The following PALLD variants were observed in gnomAD, a reference collection of about 807,000 sequenced individuals.
PALLD encodes the protein palladin, cytoskeletal associated protein.
PALLD carries 61 observed loss-of-function variants against 123.5 expected under a neutral mutation model. The observed-to-expected ratio is 0.49, with a 90% confidence interval of 0.40 to 0.61. The LOEUF (loss-of-function observed/expected upper bound fraction) is 0.61. Ranked by LOEUF, PALLD falls within the 20% of genes least tolerant of loss-of-function variation. PALLD has a pLI of 0.00. For missense variants in PALLD, 1,273 were observed against 1,377.0 expected (o/e 0.92, Z 1.20); for synonymous variants, 465 against 496.4 (o/e 0.94, Z 0.84).
intron 2 of PALLD, among the ~76,000 whole-genome samples, chr4:168,519,202 A>G (rs780093415): frequency 1.4e-4 from 21 of 152,236 alleles, no homozygotes; most frequent in Non-Finnish European, 2.8e-4. Context: ...TTTGAGATGA[A>G]GCACGTGATT....
chr4:168,759,955 G>A (rs1290645720), intron 10 of PALLD, among the ~76,000 whole-genome samples: 1 of 151,880 alleles, frequency 6.6e-6, no homozygotes, highest in Non-Finnish European at 1.5e-5. Context: ...TGGGGAGGCT[G>A]AAGCATGAGA....
intron 10 of PALLD, among the ~76,000 whole-genome samples, chr4:168,786,998 T>TCTAG (rs752692769): frequency 1.3e-5 from 2 of 152,162 alleles, no homozygotes; most frequent in East Asian, 1.9e-4. Flanking sequence ...TATCTATCCA[T>TCTAG]CTAGCTAGCT....
At chr4:168,641,797 C>A (rs777722883) in intron 2 of PALLD, among the ~76,000 whole-genome samples, 10 of 152,232 alleles carry the variant, frequency 6.6e-5, no homozygotes, top group Non-Finnish European at 1.5e-4. Flanking sequence ...CCCAGCTGGG[C>A]AACATTTACA....
intron 2 of PALLD, among the ~76,000 whole-genome samples, chr4:168,599,895 G>C (rs1386479578): frequency 7.6e-6 from 1 of 132,200 alleles, no homozygotes; most frequent in Non-Finnish European, 1.6e-5. Context: ...GCATGTGTGT[G>C]TATATCACAC....
chr4:168,781,126 T>C (rs1248227330), intron 10 of PALLD, among the ~76,000 whole-genome samples: 1 of 152,238 alleles, frequency 6.6e-6, no homozygotes, highest in Non-Finnish European at 1.5e-5. Flanking sequence ...CTTTCAATTT[T>C]TGTGATGACA....
intron 10 of PALLD, among the ~76,000 whole-genome samples, chr4:168,802,834 G>T (rs1378295086): frequency 6.6e-6 from 1 of 152,104 alleles, no homozygotes; most frequent in Non-Finnish European, 1.5e-5. Context: ...GAGATTACAG[G>T]CATGTGCCAC....
chr4:168,607,780 G>A (rs1333810426), intron 2 of PALLD, among the ~76,000 whole-genome samples: 1 of 151,960 alleles, frequency 6.6e-6, no homozygotes, highest in Admixed American at 6.6e-5. Context: ...AAAAAAATTG[G>A]CTGCAAGGAA....
chr4:168,801,983 T>C (rs1050879335), intron 10 of PALLD, among the ~76,000 whole-genome samples: 5 of 152,222 alleles, frequency 3.3e-5, no homozygotes, highest in Non-Finnish European at 5.9e-5. Flanking sequence ...AGAAAAGTAG[T>C]CTAGCCATGT....
At chr4:168,738,842 A>G (rs1015918391) in intron 10 of PALLD, among the ~76,000 whole-genome samples, 89 of 152,080 alleles carry the variant, frequency 5.9e-4, no homozygotes, top group African/African-American at 2.1e-3. Flanking sequence ...CAAAAATTAC[A>G]GATGGCAACA....
At chr4:168,618,803 T>C (rs766452466) in intron 2 of PALLD, among the ~76,000 whole-genome samples, 6 of 152,206 alleles carry the variant, frequency 3.9e-5, no homozygotes, top group Admixed American at 2.0e-4. Flanking sequence ...CTATCAAATA[T>C]GTATTTACTT....
intron 10 of PALLD, among the ~76,000 whole-genome samples, chr4:168,831,693 C>T (rs1173145949): frequency 6.6e-6 from 1 of 152,026 alleles, no homozygotes. Context: ...GCCCTGGAGT[C>T]GCGTTTATTG....
At chr4:168,508,692 T>G (rs1198195356) in intron 1 of PALLD, among the ~76,000 whole-genome samples, 1 of 152,232 alleles carries the variant, frequency 6.6e-6, no homozygotes, top group Non-Finnish European at 1.5e-5. Context: ...TAGCTTTCTT[T>G]CAAAGAAAAA....
At chr4:168,611,466 C>G (rs956050346) in intron 2 of PALLD, among the ~76,000 whole-genome samples, 1 of 152,184 alleles carries the variant, frequency 6.6e-6, no homozygotes. Flanking sequence ...TAGCACCTTC[C>G]TCTCTTCTTC....
At chr4:168,557,003 A>T (rs534329763) in intron 2 of PALLD, among the ~76,000 whole-genome samples, 1 of 145,368 alleles carries the variant, frequency 6.9e-6, no homozygotes, top group South Asian at 2.2e-4. Flanking sequence ...GTCAGTATTC[A>T]ATGGGCTCTC....
At chr4:168,766,224 A>G (rs1318349293) in intron 10 of PALLD, among the ~76,000 whole-genome samples, 1 of 152,142 alleles carries the variant, frequency 6.6e-6, no homozygotes, top group Non-Finnish European at 1.5e-5. Context: ...AGTTTTTTCC[A>G]CCTTTTTTGT....
chr4:168,759,195 AAAAAAAAATATATATATATATATAT>A (rs1403649762), intron 10 of PALLD, among the ~76,000 whole-genome samples: 2 of 32,764 alleles, frequency 6.1e-5, no homozygotes, highest in East Asian at 6.6e-4. Context: ...AAAAAAAAAA[AAAAAAAAATATATATATATATATAT>A]ATATATATAT....
chr4:168,617,760 A>T (rs1484144563), intron 2 of PALLD, among the ~76,000 whole-genome samples: 2 of 152,202 alleles, frequency 1.3e-5, no homozygotes, highest in African/African-American at 4.8e-5. Flanking sequence ...TAAATGCTAT[A>T]CGTAAAGTCT....
chr4:168,761,645 G>GTTTTTTTTTTTTTTTTTGTTTTTTT (rs1732880433), intron 10 of PALLD, among the ~76,000 whole-genome samples: 1 of 88,024 alleles, frequency 1.1e-5, no homozygotes, highest in Non-Finnish European at 2.2e-5. Flanking sequence ...GTTGTTGTTT[G>GTTTTTTTTTTTTTTTTTGTTTTTTT]TTTTTTTTTT....
chr4:168,756,139 A>G (rs531744999), intron 10 of PALLD: 24 of 176,996 alleles, frequency 1.4e-4, no homozygotes, highest in Admixed American at 1.1e-3. Context: ...GAATAGCTCT[A>G]TTGTAGAAGT....
Sources: gnomAD v4.1 joint callset for allele counts (sites outside exome capture counted in the v4.1 genomes callset) on GRCh38, gnomAD v4.1.1 for gene constraint, MANE v1.5 for transcripts, NCBI Gene and HGNC (gene_info 2026-07-23, HGNC 2026-07-21) for gene names.